PTPRG: variants seen among roughly 807,000 people sequenced by gnomAD.
PTPRG encodes the protein receptor-type tyrosine-protein phosphatase gamma.
A neutral mutation model predicts 165.3 loss-of-function variants in PTPRG; 102 were observed. The observed-to-expected ratio is 0.62, with a 90% CI of 0.53 to 0.73. The LOEUF (loss-of-function observed/expected upper bound fraction) is 0.73. Ranked by LOEUF, PTPRG falls within the 30% of genes least tolerant of loss-of-function variation. The pLI is 0.00. For missense variants in PTPRG, 1,866 were observed against 1,861.4 expected (o/e 1.00, Z -0.05); for synonymous variants, 675 against 669.5 (o/e 1.01, Z -0.13).
intron 4 of PTPRG, among the ~76,000 whole-genome samples, chr3:62,076,590 T>A (rs1004915800): frequency 6.6e-6 from 1 of 151,814 alleles, no homozygotes; most frequent in Non-Finnish European, 1.5e-5. Context: ...CATCTTTTTT[T>A]TTTTTTTCGA....
chr3:61,803,207 C>T (rs569227687), intron 2 of PTPRG, among the ~76,000 whole-genome samples: 2 of 152,058 alleles, frequency 1.3e-5, no homozygotes, highest in East Asian at 3.9e-4. Flanking sequence ...TTCTAGTGGT[C>T]ATACTAAAAA....
At chr3:62,137,858 T>C (rs1005147901) in intron 6 of PTPRG, among the ~76,000 whole-genome samples, 2 of 152,238 alleles carry the variant, frequency 1.3e-5, no homozygotes, top group African/African-American at 4.8e-5. Context: ...AAATTTTTGC[T>C]CAACTCATGA....
chr3:62,117,744 A>G (rs1043482313), intron 5 of PTPRG, among the ~76,000 whole-genome samples: 1 of 152,206 alleles, frequency 6.6e-6, no homozygotes, highest in Non-Finnish European at 1.5e-5. Context: ...CACAATTCAC[A>G]GGGTTCGAGC....
chr3:62,215,437 C>G (rs140353848), intron 12 of PTPRG, among the ~76,000 whole-genome samples: 2 of 152,144 alleles, frequency 1.3e-5, no homozygotes, highest in East Asian at 1.9e-4. Flanking sequence ...TTCCTTAGGT[C>G]TCTCACTGAC....
chr3:62,120,621 T>C (rs1703030901), intron 5 of PTPRG, among the ~76,000 whole-genome samples: 1 of 151,766 alleles, frequency 6.6e-6, no homozygotes, highest in Non-Finnish European at 1.5e-5. Context: ...AATGGTGGCA[T>C]GCACCTGTAA....
intron 1 of PTPRG, among the ~76,000 whole-genome samples, chr3:61,665,467 A>AACACACACACAC (rs1457942447): frequency 1.4e-4 from 11 of 79,708 alleles, no homozygotes; most frequent in African/African-American, 6.8e-4. Context: ...ATTGTAAATA[A>AACACACACACAC]ATACACACAC....
At chr3:61,719,404 A>C (rs2031953745) in intron 1 of PTPRG, among the ~76,000 whole-genome samples, 1 of 151,950 alleles carries the variant, frequency 6.6e-6, no homozygotes, top group South Asian at 2.1e-4. Context: ...TTCTTGCTAA[A>C]GTGTGTGGGG....
chr3:62,023,132 AC>A (rs1369785642), intron 4 of PTPRG, among the ~76,000 whole-genome samples: 1 of 152,208 alleles, frequency 6.6e-6, no homozygotes, highest in Non-Finnish European at 1.5e-5. Flanking sequence ...ACAGAAAAAA[AC>A]AATAATGCTA....
intron 4 of PTPRG, among the ~76,000 whole-genome samples, chr3:62,068,853 C>G (rs1180263655): frequency 6.6e-6 from 1 of 152,148 alleles, no homozygotes; most frequent in Non-Finnish European, 1.5e-5. Context: ...TTCCCTGTTA[C>G]AGGGCAAATG....
At chr3:61,767,797 C>T (rs757507385) in intron 2 of PTPRG, among the ~76,000 whole-genome samples, 3 of 151,460 alleles carry the variant, frequency 2.0e-5, no homozygotes, top group Non-Finnish European at 2.9e-5. Context: ...AGTGGGATCC[C>T]GTTTGTACCA....
chr3:61,722,821 A>G (rs776941878), intron 1 of PTPRG, among the ~76,000 whole-genome samples: 1 of 152,188 alleles, frequency 6.6e-6, no homozygotes, highest in Non-Finnish European at 1.5e-5. Context: ...CAGGATGCCT[A>G]ATACATAGTT....
At chr3:62,269,191 C>T in intron 20 of PTPRG, 22 bp downstream of exon 20, 1 of 1,551,124 alleles carries the variant, frequency 6.4e-7, no homozygotes, top group Non-Finnish European at 8.8e-7. Flanking sequence ...ATTGGGTAGG[C>T]TGCCAGGGCA....
chr3:61,779,067 G>GCC (rs1553666187), intron 2 of PTPRG, among the ~76,000 whole-genome samples: 1 of 151,952 alleles, frequency 6.6e-6, no homozygotes, highest in Non-Finnish European at 1.5e-5. Flanking sequence ...CACACACACA[G>GCC]ACACACACAC....
chr3:62,175,451 TAAAAA>T (rs1167280966), intron 8 of PTPRG, among the ~76,000 whole-genome samples: 1 of 152,146 alleles, frequency 6.6e-6, no homozygotes, highest in Non-Finnish European at 1.5e-5. Flanking sequence ...CTACGTCTCT[TAAAAA>T]GAAAAGAAAA....
intron 2 of PTPRG, among the ~76,000 whole-genome samples, chr3:61,776,481 C>G (rs556416986): frequency 3.9e-5 from 6 of 152,266 alleles, no homozygotes; most frequent in Admixed American, 6.5e-5. Context: ...CCGTTTGTGT[C>G]TGTTGTTAAT....
chr3:62,020,495 C>T (rs1178683765), intron 4 of PTPRG, among the ~76,000 whole-genome samples: 1 of 152,142 alleles, frequency 6.6e-6, no homozygotes, highest in Non-Finnish European at 1.5e-5. Flanking sequence ...GTAATTCACA[C>T]AATATGTGAG....
At chr3:61,983,007 T>C (rs2040676124) in intron 2 of PTPRG, among the ~76,000 whole-genome samples, 1 of 152,196 alleles carries the variant, frequency 6.6e-6, no homozygotes, top group African/African-American at 2.4e-5. Context: ...AACCAAAAAA[T>C]GTGTATTTCA....
At chr3:61,672,165 G>A (rs1703027891) in intron 1 of PTPRG, among the ~76,000 whole-genome samples, 1 of 145,418 alleles carries the variant, frequency 6.9e-6, no homozygotes, top group African/African-American at 2.6e-5. Flanking sequence ...ATGTGATGGC[G>A]GCCGGGAAGA....
At chr3:62,278,821 G>T (rs1702326502) in intron 26 of PTPRG, among the ~76,000 whole-genome samples, 1 of 152,008 alleles carries the variant, frequency 6.6e-6, no homozygotes, top group South Asian at 2.1e-4. Flanking sequence ...ATTCTGTTTG[G>T]CATGTGGAAA....
Sources: gnomAD v4.1 joint callset for allele counts (sites outside exome capture counted in the v4.1 genomes callset) on GRCh38, gnomAD v4.1.1 for gene constraint, MANE v1.5 for transcripts, NCBI Gene and HGNC (gene_info 2026-07-23, HGNC 2026-07-21) for gene names.